The following PDCD6 variants were observed in gnomAD, a reference collection of about 807,000 sequenced individuals.
PDCD6 encodes the protein programmed cell death protein 6.
A neutral mutation model predicts 28.3 loss-of-function variants in PDCD6; 12 were observed. The observed-to-expected ratio is 0.42, with a 90% CI of 0.27 to 0.69. The LOEUF (loss-of-function observed/expected upper bound fraction) is 0.69, where lower values mean the gene tolerates loss of function less well. PDCD6 is among the 30% of genes least tolerant of loss of function. The pLI is 0.22. For synonymous variants in PDCD6, 92 were observed against 108.0 expected (o/e 0.85, Z 0.92); for missense variants, 226 against 269.9 (o/e 0.84, Z 1.14).
intron 2 of PDCD6, among the ~76,000 whole-genome samples, chr5:298,013 A>G (rs1561043111): frequency 3.3e-5 from 5 of 152,232 alleles, no homozygotes; most frequent in Non-Finnish European, 7.3e-5. Flanking sequence ...ATAAGGTTAG[A>G]TCCACGTAAA....
At chr5:290,781 G>A (rs1232755811) in intron 2 of PDCD6, among the ~76,000 whole-genome samples, 1 of 152,246 alleles carries the variant, frequency 6.6e-6, no homozygotes, top group African/African-American at 2.4e-5. Context: ...TGCTATGATG[G>A]TGTGGCCTCT....
At chr5:280,279 G>A (rs1227140423) in intron 2 of PDCD6, among the ~76,000 whole-genome samples, 7 of 151,972 alleles carry the variant, frequency 4.6e-5, no homozygotes, top group Admixed American at 1.3e-4. Context: ...TTTGAGGAAC[G>A]GATAGAGGCC....
rs1739186009 is a variant in PDCD6, at chr5:289,451, T to C, written c.164-14726T>C. ...ATCCTCTTCTGTACGCGCTGCCGGG[T>C]ACAACGGCTTTCTTTGTCTTTATCC... On this transcript the variant is annotated intron_variant, in intron 2 of 5. Coordinates refer to ENST00000264933, the MANE Select transcript of PDCD6 (RefSeq NM_013232.4). 4.3e-6 allele frequency: 3 copies of C among 699,218 alleles called. No homozygotes were observed. In the South Asian group the frequency reaches 5.1e-5, roughly 12 times the overall value. The allele number at this position is 699,218 out of a possible 1,614,324, so 43.3% of individuals were successfully genotyped here.
chr5:286,799 G>A (rs1216453585), intron 2 of PDCD6, among the ~76,000 whole-genome samples: 1 of 152,230 alleles, frequency 6.6e-6, no homozygotes, highest in African/African-American at 2.4e-5. Context: ...TGCAGATCCA[G>A]GGATGAGATG....
chr5:298,913 C>CT (rs1420289844), intron 2 of PDCD6, among the ~76,000 whole-genome samples: 1 of 56,928 alleles, frequency 1.8e-5, no homozygotes, highest in African/African-American at 7.6e-5. Context: ...CCCAGCTGTT[C>CT]CCCCCAGCTG....
chr5:283,301 T>C (rs1176273490), intron 2 of PDCD6, among the ~76,000 whole-genome samples: 1 of 149,576 alleles, frequency 6.7e-6, no homozygotes, highest in East Asian at 2.0e-4. Context: ...TGAGGGTCTT[T>C]CAGCTGGAGA....
chr5:276,735 A>C (rs572250078), intron 2 of PDCD6: 2 of 985,058 alleles, frequency 2.0e-6, no homozygotes, highest in South Asian at 4.7e-5. Context: ...TTCTCACTTC[A>C]GTTAAATTTG....
At chr5:296,139 T>C (rs1319049848) in intron 2 of PDCD6, among the ~76,000 whole-genome samples, 2 of 152,204 alleles carry the variant, frequency 1.3e-5, no homozygotes, top group African/African-American at 2.4e-5. Context: ...TCTCAAGTTT[T>C]AAGACCAAAA....
intron 2 of PDCD6, among the ~76,000 whole-genome samples, chr5:294,401 A>G (rs74374696): frequency 0.25 from 36,308 of 146,034 alleles, 6,734 homozygotes; most frequent in African/African-American, 0.54. Context: ...ATATTGGAAC[A>G]GAGGCCTCAT....
intron 2 of PDCD6, among the ~76,000 whole-genome samples, chr5:300,804 T>C (rs1740003575): frequency 6.6e-6 from 1 of 152,052 alleles, no homozygotes; most frequent in Admixed American, 6.6e-5. Flanking sequence ...TCTAGTGGGG[T>C]GGCTGCCTCT....
intron 4 of PDCD6, chr5:310,248 C>G (rs973225781): frequency 6.3e-6 from 1 of 158,034 alleles, no homozygotes; most frequent in Non-Finnish European, 1.4e-5. Flanking sequence ...AAGGAGGGTC[C>G]GAGGCAACTC....
chr5:287,909 C>T (rs906815761), intron 2 of PDCD6, among the ~76,000 whole-genome samples: 1 of 152,174 alleles, frequency 6.6e-6, no homozygotes, highest in Admixed American at 6.5e-5. Flanking sequence ...TTCAAGGAAC[C>T]TGCTTGGTTC....
chr5:312,646 A>G (rs931240379), intron 5 of PDCD6, among the ~76,000 whole-genome samples: 19 of 152,094 alleles, frequency 1.2e-4, no homozygotes, highest in Non-Finnish European at 2.1e-4. Context: ...TTCTCTGAAC[A>G]CTTTCAAAAA....
chr5:288,871 C>T (rs1201195115), intron 2 of PDCD6: 61 of 1,536,418 alleles, frequency 4.0e-5, no homozygotes, highest in Non-Finnish European at 5.0e-5. Context: ...TCTGTGGCTT[C>T]GTCATCATTT....
At chr5:314,343 C>T in intron 5 of PDCD6, 74 bp from the exon 6 acceptor site, 2 of 1,099,900 alleles carry the variant, frequency 1.8e-6, no homozygotes, top group Non-Finnish European at 2.8e-6. Flanking sequence ...AATTGGGTCC[C>T]TACATGCCTT....
chr5:282,761 G>T (rs12187744), intron 2 of PDCD6, among the ~76,000 whole-genome samples: 56,266 of 150,976 alleles, frequency 0.37, 12,012 homozygotes, highest in South Asian at 0.5. Context: ...AGAAGCTGAT[G>T]TTCTAGTTTG....
chr5:277,356 C>T (rs1446929009), intron 2 of PDCD6, among the ~76,000 whole-genome samples: 37 of 137,078 alleles, frequency 2.7e-4, no homozygotes, highest in Non-Finnish European at 3.8e-4. Flanking sequence ...GGCTGGAGTG[C>T]GGTGGCACTA....
intron 2 of PDCD6, among the ~76,000 whole-genome samples, chr5:277,233 C>T (rs1016200107): frequency 3.3e-5 from 5 of 151,832 alleles, no homozygotes; most frequent in African/African-American, 1.2e-4. Flanking sequence ...TCAAGCGATT[C>T]TCCTGCCTCA....
intron 2 of PDCD6, among the ~76,000 whole-genome samples, chr5:299,430 C>T (rs957950074): frequency 2.0e-5 from 3 of 150,878 alleles, no homozygotes; most frequent in Non-Finnish European, 4.4e-5. Context: ...CCTCCTAGCC[C>T]AATTTCTGTG....
Sources: allele counts gnomAD v4.1 joint callset (sites outside exome capture counted in the v4.1 genomes callset), GRCh38; gene constraint gnomAD v4.1.1; transcripts MANE v1.5; gene names NCBI Gene and HGNC (gene_info 2026-07-23, HGNC 2026-07-21).